Variants in PXDNL observed in about 807,000 individuals in gnomAD.
PXDNL encodes the protein probable oxidoreductase PXDNL.
Under a neutral mutation model 150.8 loss-of-function variants are expected in PXDNL, and 145 were observed. The ratio of observed to expected loss-of-function variants is 0.96; its 90% CI spans 0.84 to 1.10. The LOEUF (loss-of-function observed/expected upper bound fraction) is 1.10. Among genes scored for constraint, PXDNL ranks in the 50% least tolerant of loss-of-function variants. The probability of loss-of-function intolerance (pLI) is 0.00; values close to 1 mark genes in which losing one functional copy is unlikely to be tolerated. For synonymous variants in PXDNL, 757 were observed against 725.7 expected (o/e 1.04, Z -0.69); for missense variants, 2,087 against 1,873.9 (o/e 1.11, Z -2.10).
intron 1 of PXDNL, among the ~76,000 whole-genome samples, chr8:51,805,814 C>T (rs957740713): frequency 4.6e-5 from 7 of 152,236 alleles, no homozygotes; most frequent in African/African-American, 1.7e-4. Context: ...GTCACTGAGT[C>T]CATTTCTTAA....
At chr8:51,476,611 A>G (rs7833970) in intron 6 of PXDNL, among the ~76,000 whole-genome samples, 1 of 334 alleles carries the variant, frequency 3.0e-3, no homozygotes, top group Non-Finnish European at 0.021. Context: ...GAGATTTATG[A>G]TATACCTCCA....
intron 1 of PXDNL, among the ~76,000 whole-genome samples, chr8:51,753,766 T>G (rs1349930886): frequency 3.6e-4 from 55 of 152,230 alleles, no homozygotes; most frequent in Non-Finnish European, 7.3e-5. Context: ...AGATGAAAGC[T>G]GATCATCTAC....
At chr8:51,736,021 A>G (rs932259043) in intron 1 of PXDNL, among the ~76,000 whole-genome samples, 2 of 152,216 alleles carry the variant, frequency 1.3e-5, no homozygotes, top group African/African-American at 4.8e-5. Flanking sequence ...ATTGTTAATG[A>G]CATTTTAATT....
At chr8:51,413,595 T>TA (rs1350103185) in intron 14 of PXDNL, among the ~76,000 whole-genome samples, 1 of 152,144 alleles carries the variant, frequency 6.6e-6, no homozygotes, top group Non-Finnish European at 1.5e-5. Flanking sequence ...AGGTATGAAA[T>TA]ACCTATCTCT....
chr8:51,436,503 T>C (rs537359175), intron 12 of PXDNL: 430 of 338,052 alleles, frequency 1.3e-3, no homozygotes, highest in Non-Finnish European at 2.2e-3. Context: ...TTCTTCCATG[T>C]GATCCCACTG....
At chr8:51,784,843 GA>G (rs2129251580) in intron 1 of PXDNL, among the ~76,000 whole-genome samples, 1 of 152,202 alleles carries the variant, frequency 6.6e-6, no homozygotes, top group Non-Finnish European at 1.5e-5. Context: ...CAAAGCAACT[GA>G]AAACACAAAA....
chr8:51,564,733 G>T (rs1395678896), intron 3 of PXDNL, among the ~76,000 whole-genome samples: 2 of 151,830 alleles, frequency 1.3e-5, no homozygotes, highest in Admixed American at 6.6e-5. Flanking sequence ...TCATAATTTT[G>T]CAATACAATA....
rs1412444434 is a variant in PXDNL at position 51,608,017 on chromosome 8, GAAAGAA to G, written c.237-15325_237-15320del. 3.1e-4 allele frequency among the ~76,000 whole-genome samples: 24 copies of G among 78,548 alleles called. 1 individual carries two copies. Among genetic ancestry groups the G allele is most frequent in the African/African-American group, 9.2e-4 (19 of 20,750 alleles). The allele number at this position is 78,548 out of a possible 152,430, so 51.5% of individuals were successfully genotyped here. A position where few individuals can be genotyped will look rare whatever the true frequency, so the allele number is the denominator to read the frequency against. On this transcript the variant is annotated intron_variant, in intron 2 of 22. Transcript: ENST00000356297. ...AGGAAGGAAGGAAGAAAGAAAGAAA[GAAAGAA>G]AGAAAGAAAGAAAGAAAGAAAGAAA...
chr8:51,438,317 T>C (rs949064836), intron 12 of PXDNL, among the ~76,000 whole-genome samples: 1 of 148,520 alleles, frequency 6.7e-6, no homozygotes, highest in Non-Finnish European at 1.5e-5. Flanking sequence ...AAAGCAATTC[T>C]AAAATTCATA....
intron 8 of PXDNL, among the ~76,000 whole-genome samples, chr8:51,461,821 T>C (rs2130027740): frequency 6.6e-6 from 1 of 152,264 alleles, no homozygotes; most frequent in Middle Eastern, 3.4e-3. Context: ...CAAGGAAGTA[T>C]ATCTCTCACT....
At chr8:51,741,492 AG>A (rs1335883002) in intron 1 of PXDNL, among the ~76,000 whole-genome samples, 20 of 152,174 alleles carry the variant, frequency 1.3e-4, no homozygotes, top group African/African-American at 3.4e-4. Context: ...AAGTTTTACA[AG>A]GAAAGACACA....
intron 17 of PXDNL, among the ~76,000 whole-genome samples, chr8:51,375,160 T>TA (rs1807264466): frequency 6.6e-6 from 1 of 152,312 alleles, no homozygotes; most frequent in Non-Finnish European, 1.5e-5. Context: ...CTAGGTATGC[T>TA]AAAAAGTCAA....
intron 12 of PXDNL, among the ~76,000 whole-genome samples, chr8:51,433,299 AT>A (rs1809304925): frequency 6.6e-6 from 1 of 151,148 alleles, no homozygotes; most frequent in Non-Finnish European, 1.5e-5. Context: ...CTATTGTTTT[AT>A]TTCTAAAAAA....
intron 1 of PXDNL, among the ~76,000 whole-genome samples, chr8:51,747,962 G>C (rs2037003214): frequency 6.6e-6 from 1 of 152,168 alleles, no homozygotes; most frequent in Admixed American, 6.5e-5. Context: ...TATCCTCCCT[G>C]GGTCGCAGTT....
At chr8:51,797,212 AT>A (rs1480541740) in intron 1 of PXDNL, among the ~76,000 whole-genome samples, 1 of 152,206 alleles carries the variant, frequency 6.6e-6, no homozygotes, top group Non-Finnish European at 1.5e-5. Flanking sequence ...CCCACTGCAA[AT>A]ATCACACTGA....
At chr8:51,548,147 A>C (rs936556180) in intron 4 of PXDNL, among the ~76,000 whole-genome samples, 1 of 152,078 alleles carries the variant, frequency 6.6e-6, no homozygotes, top group African/African-American at 2.4e-5. Context: ...AAAGACAAAG[A>C]AAAAAGAATT....
intron 1 of PXDNL, among the ~76,000 whole-genome samples, chr8:51,779,845 G>T (rs919913930): frequency 6.6e-6 from 1 of 152,146 alleles, no homozygotes; most frequent in Admixed American, 6.5e-5. Context: ...GGCTGTAAGG[G>T]GGCATCTCAA....
chr8:51,742,646 T>A (rs181147874), intron 1 of PXDNL, among the ~76,000 whole-genome samples: 318 of 151,028 alleles, frequency 2.1e-3, no homozygotes, highest in African/African-American at 7.3e-3. Flanking sequence ...TATAAACATT[T>A]TATATATATA....
chr8:51,589,436 G>A (rs1235678328), intron 3 of PXDNL, among the ~76,000 whole-genome samples: 1 of 152,184 alleles, frequency 6.6e-6, no homozygotes, highest in East Asian at 1.9e-4. Flanking sequence ...GGGCTTAGAA[G>A]AAAGAAGAAT....
Sources: gnomAD v4.1 joint callset for allele counts (sites outside exome capture counted in the v4.1 genomes callset) on GRCh38, gnomAD v4.1.1 for gene constraint, MANE v1.5 for transcripts, NCBI Gene and HGNC (gene_info 2026-07-23, HGNC 2026-07-21) for gene names.